IMMP2L: variants seen among roughly 807,000 people sequenced by gnomAD.
IMMP2L encodes inner mitochondrial membrane peptidase subunit 2, also known as mitochondrial inner membrane protease subunit 2.
In IMMP2L, 18 loss-of-function variants were observed where a neutral mutation model predicts 19.3. That is an observed-to-expected ratio of 0.93 (90% CI 0.64 to 1.38). The LOEUF is 1.38. IMMP2L is among the 40% of genes most tolerant of loss of function. The pLI is 0.00. For synonymous variants in IMMP2L, 76 were observed against 73.0 expected (o/e 1.04, Z -0.21); for missense variants, 233 against 218.2 (o/e 1.07, Z -0.43).
chr7:110,682,851 A>T (rs552072000), intron 5 of IMMP2L, among the ~76,000 whole-genome samples: 18 of 152,256 alleles, frequency 1.2e-4, no homozygotes, highest in African/African-American at 4.3e-4. Context: ...AAGCAAGAGC[A>T]CTAAGGGCAG....
chr7:111,428,742 AC>A (rs1836336459), intron 3 of IMMP2L, among the ~76,000 whole-genome samples: 1 of 151,788 alleles, frequency 6.6e-6, no homozygotes, highest in African/African-American at 2.4e-5. Context: ...GACTATCTAT[AC>A]CACCTTTCCA....
rs1281921479 is a variant in IMMP2L, at chr7:111,301,826, C to T, written c.239+185412G>A. On this transcript the variant is annotated intron_variant, in intron 3 of 5. Transcript: ENST00000405709. The stretch of plus-strand genomic sequence containing the variant: ...CCATTGATCTATGTGTCTATCCCTC[C>T]ACCAATAACACATTGTCTTGAATAC... 4.7e-5 allele frequency among the ~76,000 whole-genome samples: 7 copies of T among 150,412 alleles called. No homozygotes were observed. In the East Asian group the frequency reaches 1.2e-3, roughly 25 times the overall value.
intron 1 of IMMP2L, among the ~76,000 whole-genome samples, chr7:111,550,342 G>A (rs1209137649): frequency 2.6e-5 from 4 of 152,112 alleles, no homozygotes; most frequent in Admixed American, 2.0e-4. Flanking sequence ...TTTTTAGGCA[G>A]TGAAAATACT....
chr7:111,495,483 T>G (rs1272072708), intron 2 of IMMP2L, among the ~76,000 whole-genome samples: 2 of 152,198 alleles, frequency 1.3e-5, no homozygotes, highest in African/African-American at 4.8e-5. Context: ...ATCTTTTCTC[T>G]GATCAAAGAC....
chr7:110,979,488 T>A (rs1017974320), intron 3 of IMMP2L, among the ~76,000 whole-genome samples: 1 of 152,100 alleles, frequency 6.6e-6, no homozygotes, highest in Non-Finnish European at 1.5e-5. Flanking sequence ...CCCAATAGAA[T>A]GAGAACTTCC....
chr7:111,037,976 A>C (rs928372267), intron 3 of IMMP2L, among the ~76,000 whole-genome samples: 9 of 152,156 alleles, frequency 5.9e-5, no homozygotes, highest in Non-Finnish European at 1.3e-4. Flanking sequence ...GTGTCTAAAT[A>C]ATCTATCCAT....
At chr7:111,129,716 ACTTTTAT>A (rs1801668390) in intron 3 of IMMP2L, among the ~76,000 whole-genome samples, 1 of 152,084 alleles carries the variant, frequency 6.6e-6, no homozygotes, top group Non-Finnish European at 1.5e-5. Flanking sequence ...AATAGTGACT[ACTTTTAT>A]CTGTTCATTT....
At chr7:111,224,138 C>T (rs1033304856) in intron 3 of IMMP2L, among the ~76,000 whole-genome samples, 3 of 152,086 alleles carry the variant, frequency 2.0e-5, no homozygotes, top group Non-Finnish European at 2.9e-5. Flanking sequence ...GAGATAATGA[C>T]ACTGCCCTGC....
At chr7:111,306,421 G>GA (rs1203494092) in intron 3 of IMMP2L, among the ~76,000 whole-genome samples, 1 of 152,074 alleles carries the variant, frequency 6.6e-6, no homozygotes, top group Non-Finnish European at 1.5e-5. Flanking sequence ...TAGGTACATA[G>GA]AAAATCTCTG....
At chr7:111,121,291 T>C (rs1407375627) in intron 3 of IMMP2L, among the ~76,000 whole-genome samples, 3 of 152,204 alleles carry the variant, frequency 2.0e-5, no homozygotes, top group African/African-American at 4.8e-5. Context: ...AAAAATTTTC[T>C]CCCATTCTGT....
chr7:111,434,100 TCCATGGTATAGAATAGAGAAC>T (rs1250854013), intron 3 of IMMP2L, among the ~76,000 whole-genome samples: 2 of 151,710 alleles, frequency 1.3e-5, no homozygotes, highest in Non-Finnish European at 2.9e-5. Context: ...AGTAGACAGG[TCCATGGTATAGAATAGAGAAC>T]CCAGAAACAA....
intron 3 of IMMP2L, among the ~76,000 whole-genome samples, chr7:111,005,207 T>A (rs923847617): frequency 6.6e-6 from 1 of 152,170 alleles, no homozygotes; most frequent in African/African-American, 2.4e-5. Context: ...CCTGCCTTAT[T>A]ACAGGTATGC....
intron 5 of IMMP2L, among the ~76,000 whole-genome samples, chr7:110,732,166 G>C (rs1235502878): frequency 6.6e-6 from 1 of 152,132 alleles, no homozygotes; most frequent in Admixed American, 6.5e-5. Flanking sequence ...CCTGGGGAAG[G>C]GGGTAGTGGG....
intron 3 of IMMP2L, among the ~76,000 whole-genome samples, chr7:111,045,748 G>A (rs904803427): frequency 6.6e-6 from 1 of 152,198 alleles, no homozygotes; most frequent in African/African-American, 2.4e-5. Flanking sequence ...CTCCCCTAGA[G>A]CCTCCAAAAG....
chr7:111,463,406 G>T (rs1840320367), intron 3 of IMMP2L, among the ~76,000 whole-genome samples: 1 of 151,984 alleles, frequency 6.6e-6, no homozygotes. Flanking sequence ...CCACATCCCA[G>T]AGGCTAACCT....
At chr7:110,902,752 G>A (rs567619814) in intron 4 of IMMP2L, among the ~76,000 whole-genome samples, 1,008 of 55,790 alleles carry the variant, frequency 0.018, 267 homozygotes, top group Middle Eastern at 0.043. Context: ...GTGAAACCCC[G>A]TCTCTACTAA....
chr7:111,317,005 A>G (rs1200745284), intron 3 of IMMP2L, among the ~76,000 whole-genome samples: 1 of 151,618 alleles, frequency 6.6e-6, no homozygotes, highest in Non-Finnish European at 1.5e-5. Flanking sequence ...ACGTGCAACC[A>G]CGCCCAACTA....
chr7:110,795,912 G>T (rs1800832369), intron 5 of IMMP2L, among the ~76,000 whole-genome samples: 1 of 152,062 alleles, frequency 6.6e-6, no homozygotes, highest in African/African-American at 2.4e-5. Context: ...TGGTTTGGCT[G>T]TGTCCCCACC....
intron 4 of IMMP2L, among the ~76,000 whole-genome samples, chr7:110,940,132 C>A (rs577372582): frequency 6.6e-6 from 1 of 152,064 alleles, no homozygotes; most frequent in South Asian, 2.1e-4. Flanking sequence ...GCCTGGCCAA[C>A]ATAGTGAAAC....
Sources: gnomAD v4.1 joint callset for allele counts (sites outside exome capture counted in the v4.1 genomes callset) on GRCh38, gnomAD v4.1.1 for gene constraint, MANE v1.5 for transcripts, NCBI Gene and HGNC (gene_info 2026-07-23, HGNC 2026-07-21) for gene names.